The following GSN variants were observed in gnomAD, a reference collection of about 807,000 sequenced individuals.
The protein encoded by GSN is gelsolin.
In GSN, 56 loss-of-function variants were observed where a neutral mutation model predicts 85.7. That is an observed-to-expected ratio of 0.65 (90% CI 0.53 to 0.82). The LOEUF (loss-of-function observed/expected upper bound fraction) is 0.82, where lower values mean the gene tolerates loss of function less well. GSN is among the 40% of genes least tolerant of loss of function. The pLI is 0.00. For missense variants in GSN, 857 were observed against 979.8 expected (o/e 0.87, Z 1.67); for synonymous variants, 373 against 399.1 (o/e 0.93, Z 0.78).
intron 4 of GSN, among the ~76,000 whole-genome samples, chr9:121,215,773 A>G (rs77882477): frequency 6.6e-6 from 1 of 152,144 alleles, no homozygotes; most frequent in African/African-American, 2.4e-5. Flanking sequence ...AACCAATAGA[A>G]TTAACATGGT....
intron 7 of GSN, 149 bp from the exon 8 acceptor site, chr9:121,316,936 GA>G (rs1035944281): frequency 3.2e-6 from 3 of 937,920 alleles, no homozygotes; most frequent in Admixed American, 4.1e-5. Context: ...AGCAGAAAAC[GA>G]AAAAGAACCT....
chr9:121,322,191 T>C (rs1449337887), intron 11 of GSN, among the ~76,000 whole-genome samples: 3 of 152,092 alleles, frequency 2.0e-5, no homozygotes, highest in African/African-American at 7.2e-5. Context: ...ACTGCTTTAC[T>C]CTCTTGCATA....
chr9:121,203,203 G>A (rs1437325564), upstream of GSN: 1 of 152,228 alleles, frequency 6.6e-6, no homozygotes, highest in Non-Finnish European at 1.5e-5. Flanking sequence ...GGAGGCTGAG[G>A]AGAGAGGATC....
intron 6 of GSN, 96 bp from the exon 7 acceptor site, chr9:121,313,838 G>C (rs1455653754): frequency 1.6e-5 from 15 of 941,162 alleles, no homozygotes; most frequent in Non-Finnish European, 2.5e-5. Context: ...GGTCACAGTG[G>C]ATGTCCTTGT....
chr9:121,224,741 G>GAAAAAAAA (rs11374663), intron 4 of GSN, among the ~76,000 whole-genome samples: 1 of 114,370 alleles, frequency 8.7e-6, no homozygotes, highest in Non-Finnish European at 1.8e-5. Context: ...TAGGCTACCT[G>GAAAAAAAA]AAAAAAAAAA....
chr9:121,237,955 A>G (rs551052195), intron 5 of GSN, among the ~76,000 whole-genome samples: 20 of 152,268 alleles, frequency 1.3e-4, no homozygotes, highest in Admixed American at 2.0e-4. Context: ...AGCAGTTTAA[A>G]GCATTCAACA....
intron 1 of GSN, among the ~76,000 whole-genome samples, chr9:121,269,682 C>T (rs1393277453): frequency 2.0e-5 from 3 of 152,146 alleles, no homozygotes; most frequent in East Asian, 1.9e-4. Context: ...TGTAAACAGC[C>T]AGGGGAGCTT....
At chr9:121,237,196 G>A (rs1288639255) in intron 5 of GSN, among the ~76,000 whole-genome samples, 1 of 152,190 alleles carries the variant, frequency 6.6e-6, no homozygotes, top group Non-Finnish European at 1.5e-5. Context: ...CAATGCATAT[G>A]TAATAAACAG....
At chr9:121,295,089 G>A (rs1053632592) in intron 2 of GSN, among the ~76,000 whole-genome samples, 6 of 152,162 alleles carry the variant, frequency 3.9e-5, no homozygotes, top group African/African-American at 7.2e-5. Context: ...GAAGGCAGGC[G>A]TCTGTGCAGA....
chr9:121,304,936 C>T (rs552177066), intron 4 of GSN, among the ~76,000 whole-genome samples: 10 of 152,214 alleles, frequency 6.6e-5, no homozygotes, highest in African/African-American at 2.4e-4. Flanking sequence ...CCATTGCCTC[C>T]AGGTGGGGTG....
intron 2 of GSN, among the ~76,000 whole-genome samples, chr9:121,296,437 T>G (rs1475657848): frequency 6.6e-6 from 1 of 152,196 alleles, no homozygotes; most frequent in African/African-American, 2.4e-5. Context: ...CCTGGCCGAA[T>G]GTACCCATTT....
At chr9:121,287,733 T>C (rs1261348461) in intron 2 of GSN, among the ~76,000 whole-genome samples, 1 of 152,024 alleles carries the variant, frequency 6.6e-6, no homozygotes, top group Non-Finnish European at 1.5e-5. Context: ...ATAATTTACA[T>C]GATTTATTGG....
intron 5 of GSN, among the ~76,000 whole-genome samples, chr9:121,235,059 C>A (rs973269497): frequency 6.6e-5 from 10 of 152,146 alleles, no homozygotes; most frequent in Non-Finnish European, 1.5e-4. Flanking sequence ...TCTCCAAGTT[C>A]TCTCGCAAGC....
At chr9:121,223,979 T>G (rs1431375445) in intron 4 of GSN, among the ~76,000 whole-genome samples, 5 of 151,778 alleles carry the variant, frequency 3.3e-5, no homozygotes, top group African/African-American at 9.7e-5. Flanking sequence ...TTGTTTTTGT[T>G]TTTTAAGAGA....
At chr9:121,223,110 A>G (rs1375825110) in intron 4 of GSN, 1 of 151,762 alleles carries the variant, frequency 6.6e-6, no homozygotes, top group Non-Finnish European at 1.5e-5. Flanking sequence ...TAGCCGTTAC[A>G]CTCCGCCATT....
At chr9:121,308,162 G>T (rs976569189) in intron 4 of GSN, among the ~76,000 whole-genome samples, 13 of 152,204 alleles carry the variant, frequency 8.5e-5, no homozygotes, top group Admixed American at 1.3e-4. Flanking sequence ...CCCTTGAAGG[G>T]GCCCTGGAAG....
At chr9:121,273,239 A>G (rs1366913847) in intron 1 of GSN, among the ~76,000 whole-genome samples, 1 of 152,172 alleles carries the variant, frequency 6.6e-6, no homozygotes, top group Non-Finnish European at 1.5e-5. Flanking sequence ...GTTATTTTCC[A>G]ACCTCAATAA....
chr9:121,321,272 G>A lies in GSN; in HGVS notation c.1196G>A (p.Trp399Ter), dbSNP rs1355287098. 6.2e-7 allele frequency: 1 copy of A among 1,614,082 alleles called. No homozygotes were observed. The highest frequency in any genetic ancestry group is 1.1e-5 in the South Asian group (1 of 91,086). ...ACTCCAGCTTTGCTCCTGCAGATCT[G>A]GAGAATCGAAGGTTCCAACAAGGTG... ...DDDGTGQKQIWRIEGSNKVPV... is the reference protein window; with the variant it reads ...DDDGTGQKQI Residue 399 changes from tryptophan (W) to a stop codon, truncating the protein, a stop_gained, in exon 11 of 18, where the codon TGG becomes TAG. Transcript: ENST00000432226. LOFTEE classifies it high-confidence loss of function.
Position 121,229,715 on chromosome 9 carries a change from G to T in GSN, c.-527-1450G>T, listed in dbSNP as rs2054350369. On this transcript the variant is annotated intron_variant, in intron 4 of 24. Coordinates refer to the GSN transcript ENST00000373823. ...CTAAGTTTTATCAGTTGGTTAAAGT[G>T]GTGGTTATCAGAAATCTTCATTGTA... Among the ~76,000 whole-genome samples the T allele has an allele frequency of 4.6e-5, 7 of 152,102 alleles. No homozygotes were observed. In the South Asian group the frequency reaches 1.5e-3, roughly 32 times the overall value.
Sources: allele counts gnomAD v4.1 joint callset (sites outside exome capture counted in the v4.1 genomes callset), GRCh38; gene constraint gnomAD v4.1.1; transcripts MANE v1.5; gene names NCBI Gene and HGNC (gene_info 2026-07-23, HGNC 2026-07-21).